Variants in FER observed in about 807,000 individuals in gnomAD.
The protein encoded by FER is tyrosine-protein kinase Fer.
FER carries 63 observed loss-of-function variants against 111.0 expected under a neutral mutation model. The observed-to-expected ratio is 0.57, with a 90% CI of 0.46 to 0.70. The LOEUF is 0.70. Among genes scored for constraint, FER ranks in the 30% least tolerant of loss-of-function variants. FER has a pLI of 0.00. For missense variants in FER, 914 were observed against 954.0 expected, an observed-to-expected ratio of 0.96 and a Z score of 0.55; for synonymous variants, 327 against 313.9, an observed-to-expected ratio of 1.04 and a Z score of -0.44.
chr5:109,094,947 C>T (rs1747304360), intron 16 of FER, among the ~76,000 whole-genome samples: 1 of 152,166 alleles, frequency 6.6e-6, no homozygotes, highest in East Asian at 1.9e-4. Context: ...TCGCAGTTTG[C>T]ATCATGTCTG....
At chr5:109,101,270 G>A (rs929716797) in intron 17 of FER, among the ~76,000 whole-genome samples, 1 of 151,942 alleles carries the variant, frequency 6.6e-6, no homozygotes, top group African/African-American at 2.4e-5. Flanking sequence ...CAGTTTTTAT[G>A]CACCAGAAAC....
chr5:109,187,622 A>G lies in FER; in HGVS notation c.*47A>G. ...AGCCTTCAGGACTCTGTCCTCCAGC[A>G]GAGTAACATTATTGTTCTCATTAAC... On this transcript the variant is annotated 3_prime_UTR_variant, in exon 20 of 20. Coordinates refer to ENST00000281092, the MANE Select transcript of FER (RefSeq NM_005246.4). 14 of 1,604,646 alleles carry G rather than the reference A, an allele frequency of 8.7e-6. No individual in the cohort carries two copies. The highest frequency in any genetic ancestry group is 1.2e-5 in the Non-Finnish European group (14 of 1,173,632).
intron 10 of FER, chr5:108,924,723 A>G (rs899592111): frequency 8.8e-5 from 109 of 1,232,008 alleles, no homozygotes; most frequent in African/African-American, 1.4e-4. Flanking sequence ...TCGGCTCCCA[A>G]TCCTGTAAAA....
intron 17 of FER, among the ~76,000 whole-genome samples, chr5:109,136,162 G>A (rs1290915475): frequency 1.3e-5 from 2 of 151,948 alleles, no homozygotes; most frequent in Non-Finnish European, 2.9e-5. Flanking sequence ...AGTCTGAGGT[G>A]AGAGAATCAC....
chr5:108,810,579 A>G (rs1211988719), intron 3 of FER, among the ~76,000 whole-genome samples: 1 of 152,070 alleles, frequency 6.6e-6, no homozygotes, highest in African/African-American at 2.4e-5. Context: ...AGTTGGCCAA[A>G]CTCCTAATCC....
intron 3 of FER, among the ~76,000 whole-genome samples, chr5:108,805,116 A>C (rs1209806265): frequency 6.6e-6 from 1 of 151,980 alleles, no homozygotes; most frequent in African/African-American, 2.4e-5. Flanking sequence ...CACAATTCCC[A>C]CATGTTGTGG....
intron 12 of FER, among the ~76,000 whole-genome samples, chr5:108,958,846 G>A (rs1758770975): frequency 6.6e-6 from 1 of 151,680 alleles, no homozygotes; most frequent in Non-Finnish European, 1.5e-5. Context: ...CACATATGTA[G>A]ACATATGTAA....
At chr5:108,930,829 G>T in intron 10 of FER, among the ~76,000 whole-genome samples, 1 of 151,338 alleles carries the variant, frequency 6.6e-6, no homozygotes, top group Non-Finnish European at 1.5e-5. Context: ...GCCCAGACTG[G>T]GCTCGAACTC....
chr5:109,108,961 A>G (rs987730096), intron 17 of FER, among the ~76,000 whole-genome samples: 1 of 152,146 alleles, frequency 6.6e-6, no homozygotes, highest in African/African-American at 2.4e-5. Context: ...ATTTTATTAA[A>G]TACAAAAGCA....
At chr5:109,112,387 A>C (rs1442502798) in intron 17 of FER, among the ~76,000 whole-genome samples, 5 of 152,168 alleles carry the variant, frequency 3.3e-5, no homozygotes, top group Admixed American at 3.3e-4. Flanking sequence ...ATTCTAATTA[A>C]GAATGCAGCC....
chr5:108,787,817 C>T (rs562244805), intron 2 of FER, among the ~76,000 whole-genome samples: 8 of 152,328 alleles, frequency 5.3e-5, no homozygotes, highest in African/African-American at 1.9e-4. Flanking sequence ...GGACAACCTG[C>T]CTGCAGAAAG....
Position 108,954,889 on chromosome 5 carries a change from A to G in FER, c.1490A>G (p.Tyr497Cys). 4 of 1,611,042 alleles carry G rather than the reference A, an allele frequency of 2.5e-6. No homozygotes were observed. Among genetic ancestry groups the G allele is most frequent in the East Asian group, 2.2e-5 (1 of 44,772 alleles). ...CCTGGTGAATATGTCCTTTCTGTAT[A>G]TTCTGATGGACAGAGGAGACATTTT... ...GKPGEYVLSV[Y>C]SDGQRRHFII... Residue 497 changes from tyrosine to cysteine, a missense_variant, in exon 12 of 20, where the codon TAT becomes TGT. Tyr to Cys is a radical substitution (Grantham distance 194). Coordinates refer to ENST00000281092, the MANE Select transcript of FER (RefSeq NM_005246.4).
At chr5:108,819,750 A>G (rs1040921140) in intron 3 of FER, 2 of 976,440 alleles carry the variant, frequency 2.0e-6, no homozygotes, top group South Asian at 4.7e-5. Flanking sequence ...AGAGAAAAAA[A>G]GCATTTTTTT....
At chr5:109,042,755 C>T (rs1184483288) in intron 14 of FER, among the ~76,000 whole-genome samples, 1 of 152,092 alleles carries the variant, frequency 6.6e-6, no homozygotes, top group African/African-American at 2.4e-5. Context: ...GACGAAGTAT[C>T]AGCTTCTGAT....
intron 17 of FER, among the ~76,000 whole-genome samples, chr5:109,111,491 A>G (rs1176137531): frequency 6.6e-6 from 1 of 152,146 alleles, no homozygotes; most frequent in Non-Finnish European, 1.5e-5. Context: ...GCCATTGGAA[A>G]TAATGGCAAA....
At chr5:108,843,064 C>T (rs1456595299) in intron 5 of FER, 1 of 152,158 alleles carries the variant, frequency 6.6e-6, no homozygotes, top group East Asian at 1.9e-4. Flanking sequence ...ACAGAGTGCT[C>T]CTGCCTCACA....
chr5:108,855,123 T>C (rs1200789670), intron 5 of FER, among the ~76,000 whole-genome samples: 1 of 152,086 alleles, frequency 6.6e-6, no homozygotes, highest in Non-Finnish European at 1.5e-5. Context: ...TAGAGTCTTA[T>C]TAGATACTCA....
intron 2 of FER, among the ~76,000 whole-genome samples, chr5:108,795,194 A>G (rs913288182): frequency 3.3e-5 from 5 of 152,160 alleles, no homozygotes; most frequent in Non-Finnish European, 7.4e-5. Flanking sequence ...GCATGGTGAC[A>G]CATACTTGTA....
chr5:109,124,026 T>C (rs1041630386), intron 17 of FER, among the ~76,000 whole-genome samples: 15 of 151,620 alleles, frequency 9.9e-5, no homozygotes, highest in African/African-American at 3.4e-4. Flanking sequence ...GGAGTTTGAG[T>C]CTAACCTGAG....
Sources: allele counts gnomAD v4.1 joint callset (sites outside exome capture counted in the v4.1 genomes callset), GRCh38; gene constraint gnomAD v4.1.1; transcripts MANE v1.5; gene names NCBI Gene and HGNC (gene_info 2026-07-23, HGNC 2026-07-21).